PDE11A: variants seen among roughly 807,000 people sequenced by gnomAD.
PDE11A encodes dual 3',5'-cyclic-AMP and -GMP phosphodiesterase 11A.
In PDE11A, 100 loss-of-function variants were observed where a neutral mutation model predicts 100.5. The observed-to-expected ratio is 1.00, with a 90% confidence interval of 0.85 to 1.18. The LOEUF is 1.18. PDE11A is among the 50% of genes most tolerant of loss of function. The pLI, the probability that PDE11A is intolerant of heterozygous loss-of-function variation, is 0.00. For missense variants in PDE11A, 1,141 were observed against 1,152.6 expected, an observed-to-expected ratio of 0.99 and a Z score of 0.15; for synonymous variants, 381 against 420.8, an observed-to-expected ratio of 0.91 and a Z score of 1.16.
intron 16 of PDE11A, among the ~76,000 whole-genome samples, chr2:177,677,700 G>A (rs1331838637): frequency 6.6e-6 from 1 of 152,188 alleles, no homozygotes; most frequent in African/African-American, 2.4e-5. Flanking sequence ...CACAGGGATG[G>A]AAGATTGCAA....
At chr2:177,735,640 A>C (rs2081768519) in intron 10 of PDE11A, among the ~76,000 whole-genome samples, 1 of 152,194 alleles carries the variant, frequency 6.6e-6, no homozygotes, top group Admixed American at 6.5e-5. Flanking sequence ...CATTGTTAAC[A>C]AAAAAACAGT....
At chr2:177,816,318 T>G (rs1442714955) in intron 9 of PDE11A, among the ~76,000 whole-genome samples, 1 of 152,180 alleles carries the variant, frequency 6.6e-6, no homozygotes, top group African/African-American at 2.4e-5. Context: ...TGGAACTTAG[T>G]GTCTGAGAGG....
intron 5 of PDE11A, among the ~76,000 whole-genome samples, chr2:177,866,566 G>A (rs557502052): frequency 2.2e-4 from 34 of 152,342 alleles, no homozygotes; most frequent in African/African-American, 8.2e-4. Flanking sequence ...TTGGAGAGCA[G>A]AAGTGACTCA....
At chr2:177,695,119 T>TG (rs551610004) in intron 15 of PDE11A, among the ~76,000 whole-genome samples, 39 of 149,484 alleles carry the variant, frequency 2.6e-4, no homozygotes, top group African/African-American at 4.2e-4. Flanking sequence ...GAGTTGTGTG[T>TG]GGGGGGGGAG....
At chr2:177,713,801 A>G (rs1437264802) in intron 12 of PDE11A, among the ~76,000 whole-genome samples, 1 of 152,052 alleles carries the variant, frequency 6.6e-6, no homozygotes, top group Middle Eastern at 3.2e-3. Context: ...TAGTTTTTCT[A>G]AGTTAATTTT....
chr2:178,104,721 CT>C (rs2087598732), intron 1 of PDE11A, among the ~76,000 whole-genome samples: 1 of 152,152 alleles, frequency 6.6e-6, no homozygotes, highest in Non-Finnish European at 1.5e-5. Context: ...CTAGCCATAG[CT>C]ACTTCAGAAA....
intron 1 of PDE11A, among the ~76,000 whole-genome samples, chr2:178,019,502 A>G (rs1255103662): frequency 1.3e-5 from 2 of 152,196 alleles, no homozygotes; most frequent in Non-Finnish European, 2.9e-5. Flanking sequence ...AATGCTATAT[A>G]ATAAAACATA....
chr2:177,873,801 T>C (rs77154851), intron 5 of PDE11A, among the ~76,000 whole-genome samples: 3,420 of 152,292 alleles, frequency 0.022, 59 homozygotes, highest in East Asian at 0.075. Context: ...ACTTCATGCA[T>C]TTGATAAAAA....
chr2:177,993,651 C>G (rs557262364), intron 2 of PDE11A, among the ~76,000 whole-genome samples: 18 of 152,156 alleles, frequency 1.2e-4, no homozygotes, highest in Admixed American at 3.9e-4. Context: ...ATCATTTTTA[C>G]AACTCATCAA....
intron 12 of PDE11A, among the ~76,000 whole-genome samples, chr2:177,715,731 A>G (rs1480563367): frequency 6.6e-6 from 1 of 152,110 alleles, no homozygotes; most frequent in Admixed American, 6.5e-5. Context: ...CTTTCTGAAG[A>G]TATTGATTAT....
At chr2:177,917,845 T>A (rs1156443841) in intron 2 of PDE11A, among the ~76,000 whole-genome samples, 2 of 152,208 alleles carry the variant, frequency 1.3e-5, no homozygotes, top group African/African-American at 2.4e-5. Context: ...ATGACATGGA[T>A]AATAAACCAT....
At chr2:177,945,277 G>T (rs1052835471) in intron 2 of PDE11A, among the ~76,000 whole-genome samples, 85 of 149,972 alleles carry the variant, frequency 5.7e-4, no homozygotes, top group African/African-American at 2.0e-3. Flanking sequence ...CTGCCTGGCC[G>T]CCCATCGTCT....
At chr2:177,679,534 A>C (rs79751093) in intron 16 of PDE11A, among the ~76,000 whole-genome samples, 12,018 of 152,200 alleles carry the variant, frequency 0.079, 580 homozygotes, top group East Asian at 0.19. Context: ...AGCTCAAAGG[A>C]GATCTGGGGG....
rs1231034560 is a variant in PDE11A at position 177,626,312 on chromosome 2, C to G, written c.*3095G>C. 6.6e-6 allele frequency: 1 copy of G among 152,594 alleles called. No individual in the cohort carries two copies. Among genetic ancestry groups the G allele is most frequent in the Admixed American group, 6.5e-5 (1 of 15,284 alleles). 9.5% of individuals were successfully genotyped at this position (152,594 alleles called of 1,614,324 possible). A position where few individuals can be genotyped will look rare whatever the true frequency, so the allele number is the denominator to read the frequency against. The stretch of plus-strand genomic sequence containing the variant: ...ATAAAGCACATGCTTTAAAATGTTG[C>G]TGTAGATGGACTGGCATCCATTTGT... On this transcript the variant is annotated 3_prime_UTR_variant, in exon 20 of 20. Transcript: ENST00000286063.
At position 177,701,220 on chromosome 2, in the gene PDE11A, G is replaced by C. The variant is rs1189308202; in HGVS notation, c.2154-9C>G. 7.1e-7 allele frequency: 1 copy of C among 1,411,404 alleles called. No individual in the cohort carries two copies. 87.4% of individuals were successfully genotyped at this position (1,411,404 alleles called of 1,614,324 possible). On this transcript the variant is annotated splice_polypyrimidine_tract_variant and intron_variant, in intron 13 of 19. Coordinates refer to ENST00000286063, the MANE Select transcript of PDE11A (RefSeq NM_016953.4). Reference sequence around the variant, plus strand: ...CCAGGGCAGAGCCACTCCTGAAAGAGGACAGAGGGTGAGTGAGCAGGGCCT... The same window carrying C: ...CCAGGGCAGAGCCACTCCTGAAAGACGACAGAGGGTGAGTGAGCAGGGCCT...
At chr2:178,080,134 G>A (rs775496711) in intron 2 of PDE11A, among the ~76,000 whole-genome samples, 7 of 152,150 alleles carry the variant, frequency 4.6e-5, no homozygotes, top group Non-Finnish European at 8.8e-5. Flanking sequence ...TTGTGCAGAA[G>A]CTCTTTAGCT....
chr2:177,858,077 C>A (rs13028628), intron 5 of PDE11A, among the ~76,000 whole-genome samples: 9,498 of 152,048 alleles, frequency 0.062, 311 homozygotes, highest in South Asian at 0.092. Flanking sequence ...CCCTTCCTTA[C>A]ACCTTATAAA....
At chr2:177,729,942 G>A (rs75161225) in intron 10 of PDE11A, among the ~76,000 whole-genome samples, 2,831 of 151,520 alleles carry the variant, frequency 0.019, 88 homozygotes, top group African/African-American at 0.065. Context: ...TATTTTAAAG[G>A]CTTATCATTA....
At chr2:177,731,107 T>C (rs2081682051) in intron 10 of PDE11A, among the ~76,000 whole-genome samples, 1 of 152,234 alleles carries the variant, frequency 6.6e-6, no homozygotes, top group Admixed American at 6.5e-5. Context: ...TTAAAGCATA[T>C]GACAGGTTTT....
Sources: gnomAD v4.1 joint callset for allele counts (sites outside exome capture counted in the v4.1 genomes callset) on GRCh38, gnomAD v4.1.1 for gene constraint, MANE v1.5 for transcripts, NCBI Gene and HGNC (gene_info 2026-07-23, HGNC 2026-07-21) for gene names.